WLS: variants seen among roughly 807,000 people sequenced by gnomAD.
The protein encoded by WLS is protein wntless homolog.
A neutral mutation model predicts 62.8 loss-of-function variants in WLS; 23 were observed. The observed-to-expected ratio is 0.37, with a 90% CI of 0.26 to 0.52. The LOEUF is 0.52. WLS is among the 20% of genes least tolerant of loss of function. The pLI, the probability that WLS is intolerant of heterozygous loss-of-function variation, is 0.92. For missense variants in WLS, 615 were observed against 697.3 expected (o/e 0.88, Z 1.33); for synonymous variants, 246 against 244.1 (o/e 1.01, Z -0.07).
chr1:68,212,038 C>G (rs142188743), intron 1 of WLS, among the ~76,000 whole-genome samples: 1 of 152,162 alleles, frequency 6.6e-6, no homozygotes, highest in African/African-American at 2.4e-5. Flanking sequence ...CCTTTGTATC[C>G]GAGCTCCATT....
At chr1:68,135,047 T>C (rs749164807) in intron 11 of WLS, among the ~76,000 whole-genome samples, 19 of 152,236 alleles carry the variant, frequency 1.2e-4, no homozygotes, top group Non-Finnish European at 2.4e-4. Context: ...ATGACAGATA[T>C]CACTCTCTGG....
At chr1:68,170,113 A>ACGG in intron 2 of WLS, among the ~76,000 whole-genome samples, 1 of 151,684 alleles carries the variant, frequency 6.6e-6, no homozygotes, top group Admixed American at 6.6e-5. Flanking sequence ...AGCACTCAGC[A>ACGG]CAGGCCTGGC....
At chr1:68,122,863 A>G (rs1367604144), downstream of WLS, among the ~76,000 whole-genome samples, 1 of 152,226 alleles carries the variant, frequency 6.6e-6, no homozygotes, top group Non-Finnish European at 1.5e-5. Context: ...GCCAGGGGAC[A>G]TACTGCAACC....
chr1:68,189,565 T>TC (rs1648171568), intron 2 of WLS, among the ~76,000 whole-genome samples: 1 of 152,162 alleles, frequency 6.6e-6, no homozygotes, highest in South Asian at 2.1e-4. Flanking sequence ...TTAGAACATA[T>TC]CCCCTGTGGA....
intron 1 of WLS, among the ~76,000 whole-genome samples, chr1:68,226,558 T>G (rs1650149176): frequency 6.6e-6 from 1 of 152,202 alleles, no homozygotes; most frequent in South Asian, 2.1e-4. Flanking sequence ...TCATACATTC[T>G]CGAATTCCCA....
At chr1:68,148,880 C>A (rs1646788630) in intron 6 of WLS, among the ~76,000 whole-genome samples, 1 of 152,098 alleles carries the variant, frequency 6.6e-6, no homozygotes, top group South Asian at 2.1e-4. Flanking sequence ...AAAGCCCAGC[C>A]ATAAGGGCTC....
intron 2 of WLS, among the ~76,000 whole-genome samples, chr1:68,165,480 C>T (rs892604003): frequency 5.9e-5 from 9 of 152,156 alleles, no homozygotes; most frequent in African/African-American, 2.2e-4. Context: ...ATCTTACTTC[C>T]AAGGTCTGTG....
intron 9 of WLS, among the ~76,000 whole-genome samples, chr1:68,144,879 C>T (rs75328799): frequency 5.9e-5 from 9 of 152,278 alleles, no homozygotes; most frequent in Admixed American, 1.3e-4. Context: ...AGCAGCGATA[C>T]GAGAGCCTGG....
intron 2 of WLS, among the ~76,000 whole-genome samples, chr1:68,191,167 G>A (rs1158499622): frequency 2.0e-5 from 3 of 152,108 alleles, no homozygotes; most frequent in African/African-American, 4.8e-5. Context: ...TATTATTACA[G>A]GGTAAATCTT....
intron 1 of WLS, among the ~76,000 whole-genome samples, chr1:68,218,948 T>C (rs1197210966): frequency 1.3e-5 from 2 of 152,238 alleles, no homozygotes; most frequent in Non-Finnish European, 2.9e-5. Context: ...AAGGATAACT[T>C]TCAAAGATTT....
rs750696001 is a variant in WLS at position 68,194,043 on chromosome 1, G to A, written c.291C>T (p.Pro97=). 3.7e-6 allele frequency: 6 copies of A among 1,614,104 alleles called. No individual in the cohort carries two copies. In the South Asian group the frequency reaches 6.6e-5, roughly 18 times the overall value. ...AAGGACTCATCTCCATGTGGGGGAG[G>A]GGAATGTGAACAGAAAACACGATGT... is the stretch of plus-strand genomic sequence containing the variant. ...ANDIVFSVHI[P]LPHMEMSPWF... The change falls in exon 2 of 12, where the codon CCC becomes CCT. Residue 97 remains proline (P), a synonymous_variant. Transcript: ENST00000262348.
At chr1:68,228,842 C>CAAAAAAAAAAAAAAAAAAAAAA (rs66626696) in intron 1 of WLS, among the ~76,000 whole-genome samples, 13 of 58,032 alleles carry the variant, frequency 2.2e-4, no homozygotes, top group Admixed American at 3.5e-4. Flanking sequence ...ACACTGGTGC[C>CAAAAAAAAAAAAAAAAAAAAAA]AAAAAAAAAA....
chr1:68,179,511 G>A (rs904912555), intron 2 of WLS, among the ~76,000 whole-genome samples: 1 of 152,100 alleles, frequency 6.6e-6, no homozygotes, highest in South Asian at 2.1e-4. Context: ...TAATTGTTCC[G>A]ATGATCAGAT....
downstream of WLS, among the ~76,000 whole-genome samples, chr1:68,124,769 G>A (rs1014366121): frequency 2.0e-5 from 3 of 152,182 alleles, no homozygotes; most frequent in Non-Finnish European, 2.9e-5. Flanking sequence ...TCAGGAAAAG[G>A]CAGGCTAGGG....
intron 2 of WLS, among the ~76,000 whole-genome samples, chr1:68,184,928 GAAAA>G (rs1647824751): frequency 7.0e-6 from 1 of 143,804 alleles, no homozygotes; most frequent in African/African-American, 2.6e-5. Context: ...CGAGTGAGGG[GAAAA>G]ACAAACAAAC....
At chr1:68,196,719 A>T (rs1007729711) in intron 1 of WLS, among the ~76,000 whole-genome samples, 1 of 152,182 alleles carries the variant, frequency 6.6e-6, no homozygotes, top group African/African-American at 2.4e-5. Flanking sequence ...TCCTTCATGT[A>T]GAAGGCTGAA....
At chr1:68,174,182 G>A (rs1341320101) in intron 2 of WLS, among the ~76,000 whole-genome samples, 6 of 152,264 alleles carry the variant, frequency 3.9e-5, no homozygotes, top group East Asian at 3.9e-4. Flanking sequence ...GGCTCTCAGC[G>A]CTGCTGCCAG....
intron 2 of WLS, among the ~76,000 whole-genome samples, chr1:68,160,071 C>CTTTT (rs58448910): frequency 0.013 from 1,206 of 93,420 alleles, 30 homozygotes; most frequent in African/African-American, 0.025. Context: ...GCAGAGAAGT[C>CTTTT]TTTTTTTTTT....
chr1:68,139,832 G>A (rs1646661733), intron 10 of WLS, among the ~76,000 whole-genome samples: 1 of 152,130 alleles, frequency 6.6e-6, no homozygotes, highest in Admixed American at 6.5e-5. Context: ...AAGTGGAGAT[G>A]GAAAGAACCA....
Sources: gnomAD v4.1 joint callset for allele counts (sites outside exome capture counted in the v4.1 genomes callset) on GRCh38, gnomAD v4.1.1 for gene constraint, MANE v1.5 for transcripts, NCBI Gene and HGNC (gene_info 2026-07-23, HGNC 2026-07-21) for gene names.